SGMS1: variants seen among roughly 807,000 people sequenced by gnomAD.
SGMS1 encodes the protein phosphatidylcholine:ceramide cholinephosphotransferase 1.
SGMS1 carries 13 observed loss-of-function variants against 46.2 expected under a neutral mutation model. That is an observed-to-expected ratio of 0.28 (90% CI 0.18 to 0.45). The LOEUF (loss-of-function observed/expected upper bound fraction) is 0.45, where lower values mean the gene tolerates loss of function less well. SGMS1 is among the 20% of genes least tolerant of loss of function. The pLI, the probability that SGMS1 is intolerant of heterozygous loss-of-function variation, is 1.00. For synonymous variants in SGMS1, 203 were observed against 187.8 expected (o/e 1.08, Z -0.66); for missense variants, 324 against 519.9 (o/e 0.62, Z 3.66).
intron 8 of SGMS1, among the ~76,000 whole-genome samples, chr10:50,312,995 AG>A (rs2133279481): frequency 6.6e-6 from 1 of 152,346 alleles, no homozygotes; most frequent in East Asian, 1.9e-4. Context: ...GGGGTGAGTA[AG>A]TGCAAAGAAA....
intron 1 of SGMS1, among the ~76,000 whole-genome samples, chr10:50,594,416 G>A (rs16906411): frequency 0.032 from 4,898 of 152,232 alleles, 279 homozygotes; most frequent in African/African-American, 0.11. Context: ...TAATTCACAT[G>A]CAACCCAGCC....
intron 6 of SGMS1, among the ~76,000 whole-genome samples, chr10:50,384,607 C>G (rs1848655430): frequency 6.6e-6 from 1 of 151,940 alleles, no homozygotes; most frequent in South Asian, 2.1e-4. Context: ...GCCACCATGC[C>G]AGGTTATTTT....
At chr10:50,550,808 C>A (rs751772465) in intron 2 of SGMS1, among the ~76,000 whole-genome samples, 1 of 152,088 alleles carries the variant, frequency 6.6e-6, no homozygotes, top group African/African-American at 2.4e-5. Context: ...AAAATAAGGA[C>A]GTACTAAAAC....
chr10:50,330,466 CAG>C (rs760028981), intron 7 of SGMS1, among the ~76,000 whole-genome samples: 4 of 152,006 alleles, frequency 2.6e-5, no homozygotes, highest in African/African-American at 7.3e-5. Flanking sequence ...GTCTGGGTGA[CAG>C]AGTCAGACCT....
chr10:50,552,838 G>C (rs1838160007), intron 2 of SGMS1, among the ~76,000 whole-genome samples: 1 of 152,184 alleles, frequency 6.6e-6, no homozygotes, highest in Non-Finnish European at 1.5e-5. Context: ...ATCCTTCCTT[G>C]TAAGAGGGAG....
At chr10:50,576,576 C>A (rs1838387121) in intron 2 of SGMS1, among the ~76,000 whole-genome samples, 3 of 152,168 alleles carry the variant, frequency 2.0e-5, no homozygotes. Context: ...CAATTTTTCC[C>A]ATAGAAAAGC....
intron 1 of SGMS1, among the ~76,000 whole-genome samples, chr10:50,615,100 G>C (rs114732380): frequency 6.6e-6 from 1 of 152,324 alleles, no homozygotes; most frequent in African/African-American, 2.4e-5. Context: ...AGAGCCCTGA[G>C]TGAGGACATC....
At chr10:50,467,846 G>A (rs1263207950) in intron 3 of SGMS1, among the ~76,000 whole-genome samples, 1 of 152,164 alleles carries the variant, frequency 6.6e-6, no homozygotes, top group East Asian at 1.9e-4. Flanking sequence ...CATGTCTGAG[G>A]AAAAAGTTTT....
At chr10:50,505,208 C>A (rs1034687710) in intron 3 of SGMS1, among the ~76,000 whole-genome samples, 1 of 151,890 alleles carries the variant, frequency 6.6e-6, no homozygotes, top group Admixed American at 6.6e-5. Flanking sequence ...AGAGTGAGAC[C>A]CTGTCTCAAA....
At chr10:50,510,014 T>C (rs1243302608) in intron 3 of SGMS1, among the ~76,000 whole-genome samples, 1 of 152,124 alleles carries the variant, frequency 6.6e-6, no homozygotes, top group Non-Finnish European at 1.5e-5. Context: ...ATATAGAACA[T>C]TTCATTTATC....
chr10:50,423,567 A>G (rs572999723), intron 6 of SGMS1, among the ~76,000 whole-genome samples: 2 of 152,314 alleles, frequency 1.3e-5, no homozygotes, highest in Non-Finnish European at 2.9e-5. Context: ...CAACCAGGTA[A>G]TAAATTACAT....
chr10:50,615,511 C>T (rs1333783799), intron 1 of SGMS1, among the ~76,000 whole-genome samples: 2 of 152,122 alleles, frequency 1.3e-5, no homozygotes. Context: ...GCCTAAGGTC[C>T]CACAGCTTCT....
At chr10:50,453,185 T>C (rs1332110104) in intron 5 of SGMS1, among the ~76,000 whole-genome samples, 3 of 152,088 alleles carry the variant, frequency 2.0e-5, no homozygotes, top group African/African-American at 7.2e-5. Flanking sequence ...ATACTAGAAT[T>C]ATCAGCATAA....
chr10:50,591,284 C>A (rs531079420), intron 1 of SGMS1, among the ~76,000 whole-genome samples: 1 of 152,224 alleles, frequency 6.6e-6, no homozygotes, highest in South Asian at 2.1e-4. Flanking sequence ...GATTAAACTC[C>A]TATTTGTCTT....
chr10:50,328,295 C>T (rs903111410), intron 7 of SGMS1, among the ~76,000 whole-genome samples: 3 of 152,116 alleles, frequency 2.0e-5, no homozygotes, highest in Non-Finnish European at 4.4e-5. Context: ...GTGAGTAACC[C>T]TGTGGGTCTC....
chr10:50,544,512 A>C (rs1838083338), intron 2 of SGMS1, among the ~76,000 whole-genome samples: 1 of 151,978 alleles, frequency 6.6e-6, no homozygotes, highest in South Asian at 2.1e-4. Flanking sequence ...TGCAACTGAG[A>C]GTTTTTTTGA....
At chr10:50,390,075 A>G (rs184771416) in intron 6 of SGMS1, among the ~76,000 whole-genome samples, 140 of 152,334 alleles carry the variant, frequency 9.2e-4, no homozygotes, top group African/African-American at 2.9e-3. Context: ...GCAACTTCAT[A>G]TTTGAAATTA....
At chr10:50,480,920 G>A (rs2133718997) in intron 3 of SGMS1, among the ~76,000 whole-genome samples, 1 of 152,042 alleles carries the variant, frequency 6.6e-6, no homozygotes, top group East Asian at 1.9e-4. Flanking sequence ...GCTTCTTTAG[G>A]TGAGACCCAG....
At chr10:50,485,942 A>G (rs1012097769) in intron 3 of SGMS1, among the ~76,000 whole-genome samples, 1 of 152,132 alleles carries the variant, frequency 6.6e-6, no homozygotes, top group African/African-American at 2.4e-5. Flanking sequence ...GAGGCATCAC[A>G]CTGCCCAACT....
Sources: allele counts gnomAD v4.1 joint callset (sites outside exome capture counted in the v4.1 genomes callset), GRCh38; gene constraint gnomAD v4.1.1; transcripts MANE v1.5; gene names NCBI Gene and HGNC (gene_info 2026-07-23, HGNC 2026-07-21).